The following ADORA2B variants were observed in gnomAD, a reference collection of about 807,000 sequenced individuals.
ADORA2B encodes adenosine receptor A2b.
In ADORA2B, 18 loss-of-function variants were observed where a neutral mutation model predicts 20.8. The observed-to-expected ratio is 0.87, with a 90% confidence interval of 0.60 to 1.29. The LOEUF (loss-of-function observed/expected upper bound fraction) is 1.29. Among genes scored for constraint, ADORA2B ranks in the 50% most tolerant of loss-of-function variants. ADORA2B has a pLI of 0.00. For missense variants in ADORA2B, 441 were observed against 422.7 expected (o/e 1.04, Z -0.38); for synonymous variants, 179 against 178.3 (o/e 1.00, Z -0.03).
chr17:15,950,099 C>CTTT (rs1969877633), intron 1 of ADORA2B, among the ~76,000 whole-genome samples: 1 of 152,182 alleles, frequency 6.6e-6, no homozygotes, highest in African/African-American at 2.4e-5. Flanking sequence ...AACCAAAACC[C>CTTT]CACAAATACT....
the ADORA2B span, among the ~76,000 whole-genome samples, chr17:15,913,194 G>A: frequency 6.6e-6 from 1 of 152,234 alleles, no homozygotes; most frequent in Non-Finnish European, 1.5e-5. Flanking sequence ...GAAGGGCTTG[G>A]ATTCTTAGGC....
chr17:15,924,477 G>A, the ADORA2B span, among the ~76,000 whole-genome samples: 48,508 of 151,974 alleles, frequency 0.32, 10,041 homozygotes, highest in African/African-American at 0.59. Context: ...TAAAAAGTTA[G>A]GCAGTATTCT....
chr17:15,911,806 G>A, the ADORA2B span, among the ~76,000 whole-genome samples: 1 of 152,196 alleles, frequency 6.6e-6, no homozygotes, highest in South Asian at 2.1e-4. Context: ...GTTCATGCCT[G>A]TAATGGCAGC....
At chr17:15,949,502 G>A (rs1238252434) in intron 1 of ADORA2B, among the ~76,000 whole-genome samples, 1 of 152,016 alleles carries the variant, frequency 6.6e-6, no homozygotes, top group African/African-American at 2.4e-5. Flanking sequence ...AACAGAGTGA[G>A]ACTGTGTCTC....
At chr17:15,959,337 G>A (rs1567780390) in intron 1 of ADORA2B, among the ~76,000 whole-genome samples, 1 of 152,156 alleles carries the variant, frequency 6.6e-6, no homozygotes, top group Non-Finnish European at 1.5e-5. Context: ...GAAATAATGA[G>A]TCATTCTGAA....
the ADORA2B span, among the ~76,000 whole-genome samples, chr17:15,895,375 G>A: frequency 6.6e-6 from 1 of 152,190 alleles, no homozygotes; most frequent in East Asian, 1.9e-4. Flanking sequence ...GGCTGGACAG[G>A]ATTATTAAAC....
the ADORA2B span, among the ~76,000 whole-genome samples, chr17:15,919,409 C>T: frequency 2.6e-5 from 4 of 152,176 alleles, no homozygotes; most frequent in African/African-American, 9.7e-5. Context: ...TAGAGAAACA[C>T]CTCTCCATTC....
At chr17:15,890,518 T>C in the ADORA2B span, among the ~76,000 whole-genome samples, 2 of 151,954 alleles carry the variant, frequency 1.3e-5, no homozygotes, top group African/African-American at 2.4e-5. Flanking sequence ...TTGTGCCTTA[T>C]ATGGCTTTCT....
chr17:15,852,569 C>T, the ADORA2B span, among the ~76,000 whole-genome samples: 1 of 151,978 alleles, frequency 6.6e-6, no homozygotes, highest in Non-Finnish European at 1.5e-5. Flanking sequence ...CAGAAACAGA[C>T]ACAGGAGATC....
intron 1 of ADORA2B, among the ~76,000 whole-genome samples, chr17:15,948,224 G>T (rs1021178900): frequency 6.6e-6 from 1 of 151,972 alleles, no homozygotes; most frequent in Non-Finnish European, 1.5e-5. Context: ...CATTGCCAAG[G>T]TGTTTACTGA....
the ADORA2B span, among the ~76,000 whole-genome samples, chr17:15,877,978 C>T: frequency 6.6e-5 from 10 of 152,032 alleles, no homozygotes; most frequent in South Asian, 8.3e-4. Context: ...TTTTCTTTTT[C>T]GTTGTCAGTT....
intron 1 of ADORA2B, chr17:15,974,181 A>G (rs1970219544): frequency 6.5e-6 from 1 of 153,726 alleles, no homozygotes; most frequent in Non-Finnish European, 1.4e-5. Flanking sequence ...TGATTGGCCA[A>G]AAGTCGAGGA....
At chr17:15,907,829 G>A in the ADORA2B span, among the ~76,000 whole-genome samples, 1 of 152,216 alleles carries the variant, frequency 6.6e-6, no homozygotes, top group Non-Finnish European at 1.5e-5. Context: ...GATGCTGATC[G>A]CAAAGTCTGT....
the ADORA2B span, among the ~76,000 whole-genome samples, chr17:15,920,164 A>C: frequency 6.4e-3 from 970 of 152,258 alleles, 7 homozygotes; most frequent in Middle Eastern, 0.027. Flanking sequence ...GAGCTAAATA[A>C]TATGTACACA....
the ADORA2B span, among the ~76,000 whole-genome samples, chr17:15,918,232 G>A: frequency 6.6e-6 from 1 of 152,092 alleles, no homozygotes; most frequent in Non-Finnish European, 1.5e-5. Context: ...CCTCCCCAAG[G>A]CCCCAGCTCC....
chr17:15,964,382 G>A (rs1474277260), intron 1 of ADORA2B, among the ~76,000 whole-genome samples: 1 of 151,874 alleles, frequency 6.6e-6, no homozygotes, highest in Non-Finnish European at 1.5e-5. Context: ...CAAGATTGGC[G>A]GATCACCAGA....
chr17:15,936,319 T>TTA, the ADORA2B span, among the ~76,000 whole-genome samples: 1 of 144,338 alleles, frequency 6.9e-6, no homozygotes, highest in Admixed American at 6.6e-5. Context: ...ATTTATTTAT[T>TTA]TTTATTTTTA....
intron 1 of ADORA2B, among the ~76,000 whole-genome samples, chr17:15,958,735 T>G (rs1325306646): frequency 6.6e-6 from 1 of 152,202 alleles, no homozygotes; most frequent in Non-Finnish European, 1.5e-5. Flanking sequence ...TGCCTGCTGA[T>G]TCTTCCCCAT....
the ADORA2B span, among the ~76,000 whole-genome samples, chr17:15,878,184 TAC>T: frequency 8.6e-3 from 1,234 of 143,850 alleles, 20 homozygotes; most frequent in East Asian, 0.037. Context: ...TGTGTGTGTA[TAC>T]ACACACACAC....
Sources: gnomAD v4.1 joint callset for allele counts (sites outside exome capture counted in the v4.1 genomes callset) on GRCh38, gnomAD v4.1.1 for gene constraint, MANE v1.5 for transcripts, NCBI Gene and HGNC (gene_info 2026-07-23, HGNC 2026-07-21) for gene names.